TMEM164: variants seen among roughly 807,000 people sequenced by gnomAD.
TMEM164 encodes the protein RP13-360B22.2.
Under a neutral mutation model 18.8 loss-of-function variants are expected in TMEM164, and 4 were observed. That is an observed-to-expected ratio of 0.21 (90% CI 0.10 to 0.49). TMEM164 has a LOEUF of 0.49. TMEM164 is among the 20% of genes least tolerant of loss of function. The pLI, the probability that TMEM164 is intolerant of heterozygous loss-of-function variation, is 0.98. For synonymous variants in TMEM164, 86 were observed against 101.7 expected (o/e 0.85, Z 0.93); for missense variants, 108 against 239.9 (o/e 0.45, Z 3.63).
At chrX:110,100,610 T>C (rs2066095069) in intron 3 of TMEM164, among the ~76,000 whole-genome samples, 1 of 111,512 alleles carries the variant, frequency 9.0e-6, no homozygotes, top group African/African-American at 3.3e-5. Flanking sequence ...CTCGCTCTGT[T>C]GCCCAGGCTG....
intron 5 of TMEM164, among the ~76,000 whole-genome samples, chrX:110,159,181 G>A (rs923056985): frequency 9.0e-6 from 1 of 111,113 alleles, no homozygotes; most frequent in African/African-American, 3.3e-5. Flanking sequence ...ATAGATAGAA[G>A]TGTGGGGAGA....
intron 3 of TMEM164, among the ~76,000 whole-genome samples, chrX:110,074,004 A>G (rs1286774763): frequency 9.1e-6 from 1 of 110,443 alleles, no homozygotes; most frequent in Non-Finnish European, 1.9e-5. Flanking sequence ...CAGCCTCCCA[A>G]GTAGCTGGGA....
chrX:110,075,949 G>A (rs1201687389), intron 3 of TMEM164, among the ~76,000 whole-genome samples: 1 of 106,929 alleles, frequency 9.4e-6, no homozygotes, highest in African/African-American at 3.4e-5. Context: ...GACAGATTTT[G>A]TTATCAAGGT....
At position 110,091,457 on chromosome X, in the gene TMEM164, A is replaced by G. The variant is rs185853667; in HGVS notation, c.441-17623A>G. Among the ~76,000 whole-genome samples the G allele has an allele frequency of 1.3e-3, 146 of 112,371 alleles. 1 individual carries two copies. Among genetic ancestry groups the G allele is most frequent in the African/African-American group, 4.6e-3 (142 of 30,960 alleles). On this transcript the variant is annotated intron_variant, in intron 3 of 6. Coordinates refer to ENST00000372068, the MANE Select transcript of TMEM164 (RefSeq NM_032227.4). Reference sequence around the variant, plus strand: ...TTTGATTTGCATTTCTCTGATGGCCAGGGATGATGAGCATTTTTTCATGTG... The same window carrying G: ...TTTGATTTGCATTTCTCTGATGGCCGGGGATGATGAGCATTTTTTCATGTG...
intron 4 of TMEM164, among the ~76,000 whole-genome samples, chrX:110,135,904 C>A (rs995479497): frequency 8.9e-6 from 1 of 111,874 alleles, no homozygotes; most frequent in Non-Finnish European, 1.9e-5. Flanking sequence ...TCTCGTATAA[C>A]TACAATACCT....
chrX:110,114,988 G>T (rs2066340870), intron 4 of TMEM164, among the ~76,000 whole-genome samples: 1 of 111,690 alleles, frequency 9.0e-6, no homozygotes, highest in Non-Finnish European at 1.9e-5. Context: ...TCTGTTGGAT[G>T]GGATGGTTCT....
intron 2 of TMEM164, among the ~76,000 whole-genome samples, chrX:110,049,125 A>G (rs1935437648): frequency 8.9e-6 from 1 of 111,994 alleles, no homozygotes; most frequent in East Asian, 2.8e-4. Flanking sequence ...TCTTATAGAG[A>G]TATAAGGGCC....
chrX:110,041,245 T>C (rs1370009605), intron 2 of TMEM164, among the ~76,000 whole-genome samples: 1 of 111,838 alleles, frequency 8.9e-6, no homozygotes, highest in Admixed American at 9.5e-5. Flanking sequence ...GTAAGTGCTA[T>C]AGGTTTTTCC....
At chrX:110,072,810 C>G (rs1247715147) in intron 3 of TMEM164, among the ~76,000 whole-genome samples, 2 of 108,953 alleles carry the variant, frequency 1.8e-5, no homozygotes, top group Non-Finnish European at 3.8e-5. Context: ...AGTATTTATT[C>G]CTTTATTTAT....
intron 3 of TMEM164, among the ~76,000 whole-genome samples, chrX:110,094,881 C>G (rs1167134268): frequency 1.3e-4 from 14 of 111,593 alleles, no homozygotes; most frequent in Non-Finnish European, 2.1e-4. Context: ...CTGGTGGTGA[C>G]AAAATCTCTC....
chrX:110,092,845 T>C (rs2147926687), intron 3 of TMEM164, among the ~76,000 whole-genome samples: 1 of 112,225 alleles, frequency 8.9e-6, no homozygotes, highest in East Asian at 2.8e-4. Context: ...TGGCTGTGGA[T>C]TTCTCATAAA....
intron 2 of TMEM164, among the ~76,000 whole-genome samples, chrX:110,016,979 C>G (rs768993321): frequency 1.8e-5 from 2 of 112,079 alleles, no homozygotes; most frequent in African/African-American, 6.5e-5. Context: ...TTCTTCTTTT[C>G]TTTGCTTCTA....
At chrX:110,118,067 C>G (rs2066397523) in intron 4 of TMEM164, among the ~76,000 whole-genome samples, 1 of 111,968 alleles carries the variant, frequency 8.9e-6, no homozygotes, top group Non-Finnish European at 1.9e-5. Flanking sequence ...CATGCGCCAC[C>G]ACGCCCGGCT....
At chrX:110,152,056 CTT>C (rs755801649) in intron 5 of TMEM164, among the ~76,000 whole-genome samples, 2 of 77,482 alleles carry the variant, frequency 2.6e-5, no homozygotes. Flanking sequence ...CTTTTCTTTT[CTT>C]TTTTTTTTTT....
intron 2 of TMEM164, chrX:110,020,629 T>C (rs1169499143): frequency 4.0e-6 from 3 of 752,339 alleles, no homozygotes; most frequent in East Asian, 3.0e-4. Flanking sequence ...TGTCATGAAA[T>C]GTAGAGGGTG....
chrX:110,158,037 C>T (rs2067041812), intron 5 of TMEM164, among the ~76,000 whole-genome samples: 1 of 109,591 alleles, frequency 9.1e-6, no homozygotes, highest in Non-Finnish European at 1.9e-5. Flanking sequence ...CAGGCACATG[C>T]CACCATGCTT....
At chrX:110,161,841 A>G (rs190128853) in intron 5 of TMEM164, among the ~76,000 whole-genome samples, 116 of 112,717 alleles carry the variant, frequency 1.0e-3, no homozygotes, top group Admixed American at 1.8e-3. Context: ...ATTCAACTCT[A>G]TGGGGCAGGG....
At chrX:110,021,523 ATG>A (rs138161390) in intron 2 of TMEM164, among the ~76,000 whole-genome samples, 1,595 of 110,294 alleles carry the variant, frequency 0.014, 17 homozygotes, top group Non-Finnish European at 0.016. Context: ...GTGTGTTTGT[ATG>A]TGTGTGTGTG....
At chrX:110,093,156 T>G (rs2065958880) in intron 3 of TMEM164, among the ~76,000 whole-genome samples, 3 of 111,850 alleles carry the variant, frequency 2.7e-5, no homozygotes, top group Non-Finnish European at 5.6e-5. Context: ...ATCAGGGATA[T>G]TGGTCTAAAA....
Sources: gnomAD v4.1 joint callset for allele counts (sites outside exome capture counted in the v4.1 genomes callset) on GRCh38, gnomAD v4.1.1 for gene constraint, MANE v1.5 for transcripts, NCBI Gene and HGNC (gene_info 2026-07-23, HGNC 2026-07-21) for gene names.